The following PARP8 variants were observed in gnomAD, a reference collection of about 807,000 sequenced individuals.
The protein encoded by PARP8 is poly(ADP-ribose) polymerase family member 8, also known as protein mono-ADP-ribosyltransferase PARP8.
In PARP8, 51 loss-of-function variants were observed where a neutral mutation model predicts 124.1. The observed-to-expected ratio is 0.41, with a 90% CI of 0.33 to 0.52. PARP8 has a LOEUF of 0.52. Ranked by LOEUF, PARP8 falls within the 20% of genes least tolerant of loss-of-function variation. PARP8 has a pLI of 0.21. For synonymous variants in PARP8, 391 were observed against 361.5 expected (o/e 1.08, Z -0.93); for missense variants, 860 against 1,018.9 (o/e 0.84, Z 2.12).
At chr5:50,831,101 C>A (rs528525801) in intron 22 of PARP8, among the ~76,000 whole-genome samples, 231 of 151,992 alleles carry the variant, frequency 1.5e-3, no homozygotes, top group African/African-American at 5.5e-3. Context: ...AAATCAGCAA[C>A]ATTGATAAAT....
At chr5:50,694,318 T>TTTGTGA (rs1462573756) in intron 2 of PARP8, among the ~76,000 whole-genome samples, 8 of 152,230 alleles carry the variant, frequency 5.3e-5, no homozygotes, top group Non-Finnish European at 1.2e-4. Context: ...CCTTGTCAGT[T>TTTGTGA]CCATAGTCAC....
chr5:50,761,971 G>T, intron 6 of PARP8, 73 bp downstream of exon 6: 1 of 939,520 alleles, frequency 1.1e-6, no homozygotes, highest in Non-Finnish European at 1.7e-6. Flanking sequence ...GGTAATCTGT[G>T]CCTGAGAGTT....
chr5:50,819,953 A>G (rs779864965), intron 15 of PARP8, among the ~76,000 whole-genome samples: 9 of 152,268 alleles, frequency 5.9e-5, no homozygotes, highest in East Asian at 5.8e-4. Context: ...GCATATATCT[A>G]TATATATGTA....
rs1554047144 is a variant in PARP8, at chr5:50,709,955, T to TACACAC, written c.147-40191_147-40190insCACACA. On this transcript the variant is annotated intron_variant, in intron 2 of 25. Transcript: ENST00000281631. Reference sequence around the variant, plus strand: ...ATATATATATATATATATATATATATACACATACATATATACACACACACA... The same window carrying TACACAC: ...ATATATATATATATATATATATATATACACACACACATACATATATACACACACACA... Among the ~76,000 whole-genome samples, 91 of 103,316 alleles carry TACACAC rather than the reference T, an allele frequency of 8.8e-4. 1 individual carries two copies. Among genetic ancestry groups the TACACAC allele is most frequent in the Non-Finnish European group, 9.2e-4 (46 of 49,778 alleles). 67.8% of individuals were successfully genotyped at this position (103,316 alleles called of 152,430 possible). A position where few individuals can be genotyped will look rare whatever the true frequency, so the allele number is the denominator to read the frequency against.
At chr5:50,836,659 T>C (rs1747620717) in intron 25 of PARP8, among the ~76,000 whole-genome samples, 1 of 152,192 alleles carries the variant, frequency 6.6e-6, no homozygotes, top group South Asian at 2.1e-4. Context: ...TGGGGGCTCC[T>C]AGAGAAGCTA....
chr5:50,761,488 A>C (rs541860071), intron 5 of PARP8, among the ~76,000 whole-genome samples: 1 of 152,202 alleles, frequency 6.6e-6, no homozygotes, highest in East Asian at 1.9e-4. Context: ...TTTTTAATAA[A>C]ATTGAATTAG....
chr5:50,747,163 G>GTTTTTTTTTTTTTTTTTTTTTGTT (rs1211253892), intron 2 of PARP8, among the ~76,000 whole-genome samples: 1 of 95,504 alleles, frequency 1.0e-5, no homozygotes, highest in Non-Finnish European at 2.0e-5. Context: ...TGTTTGTTTT[G>GTTTTTTTTTTTTTTTTTTTTTGTT]TTTTTTTTTT....
chr5:50,771,374 G>A (rs1427152986), intron 7 of PARP8, among the ~76,000 whole-genome samples: 2 of 152,064 alleles, frequency 1.3e-5, no homozygotes, highest in Non-Finnish European at 2.9e-5. Context: ...GGTCAGGCTG[G>A]TCTCAAACTC....
chr5:50,667,335 C>CA (rs1387770558), intron 1 of PARP8, 149 bp downstream of exon 1: 89 of 837,200 alleles, frequency 1.1e-4, no homozygotes, highest in Middle Eastern at 3.3e-4. Flanking sequence ...GCGCGGGAGC[C>CA]AAAAGGGGGA....
intron 2 of PARP8, among the ~76,000 whole-genome samples, chr5:50,744,402 A>G (rs765778429): frequency 3.3e-5 from 5 of 152,206 alleles, no homozygotes; most frequent in African/African-American, 4.8e-5. Context: ...AACAGAATAC[A>G]GGATTAGGTA....
intron 3 of PARP8, among the ~76,000 whole-genome samples, chr5:50,758,812 A>G (rs1452372710): frequency 2.0e-5 from 3 of 152,214 alleles, no homozygotes; most frequent in Non-Finnish European, 2.9e-5. Flanking sequence ...GGAGACCTGT[A>G]TTCATTAGGG....
chr5:50,719,140 A>C (rs535484290), intron 2 of PARP8, among the ~76,000 whole-genome samples: 1 of 152,078 alleles, frequency 6.6e-6, no homozygotes, highest in Admixed American at 6.6e-5. Flanking sequence ...CAGACCTTTT[A>C]CCCATTTTTA....
At chr5:50,699,908 A>T (rs1205224806) in intron 2 of PARP8, among the ~76,000 whole-genome samples, 1 of 152,170 alleles carries the variant, frequency 6.6e-6, no homozygotes, top group Non-Finnish European at 1.5e-5. Flanking sequence ...CACATTGTTG[A>T]CAGGATAACA....
intron 2 of PARP8, among the ~76,000 whole-genome samples, chr5:50,702,661 C>T (rs1753719064): frequency 6.6e-6 from 1 of 152,170 alleles, no homozygotes; most frequent in Non-Finnish European, 1.5e-5. Flanking sequence ...TTTCCCTCCA[C>T]TTAGATTCAT....
In PARP8 at chr5:50,709,703, G is replaced by A. The variant is rs562129291; in HGVS notation, c.147-40448G>A. ...ACTCATCCAGAGATTAAATTTGCTC[G>A]TTCCACAAAAAAATGCCAGTGTTAT... On this transcript the variant is annotated intron_variant, in intron 2 of 25. Coordinates refer to ENST00000281631, the MANE Select transcript of PARP8 (RefSeq NM_024615.4). 9.9e-5 allele frequency among the ~76,000 whole-genome samples: 15 copies of A among 151,538 alleles called. No individual in the cohort carries two copies. The East Asian group carries it at 1.6e-3, about 16-fold the overall frequency.
intron 3 of PARP8, chr5:50,757,000 A>G (rs1200635527): frequency 3.1e-6 from 1 of 327,518 alleles, no homozygotes; most frequent in African/African-American, 2.2e-5. Context: ...AGATGGCAGG[A>G]TTTCATTCTT....
chr5:50,797,592 A>G (rs1742704361), intron 14 of PARP8, among the ~76,000 whole-genome samples: 1 of 152,200 alleles, frequency 6.6e-6, no homozygotes, highest in Non-Finnish European at 1.5e-5. Context: ...AAAACTCCAC[A>G]ATTTAAGATG....
intron 21 of PARP8, among the ~76,000 whole-genome samples, chr5:50,829,103 C>A (rs1331241061): frequency 6.6e-6 from 1 of 152,110 alleles, no homozygotes; most frequent in Non-Finnish European, 1.5e-5. Context: ...GTGAAGATTG[C>A]ATGCTAGAGA....
Position 50,666,759 on chromosome 5 carries a change from C to G in PARP8, c.-337C>G. ...TCTGGCTGTCCCCGGCACCTCGGCCCCCACGGCCGTTGGTCCGGGCGGGTG... is the reference window on the plus strand; with the variant it reads ...TCTGGCTGTCCCCGGCACCTCGGCCGCCACGGCCGTTGGTCCGGGCGGGTG... On this transcript the variant is annotated 5_prime_UTR_variant, in exon 1 of 26. Coordinates refer to ENST00000281631, the MANE Select transcript of PARP8 (RefSeq NM_024615.4). The G allele has an allele frequency of 9.7e-6, 7 of 724,902 alleles. No homozygotes were observed. Among genetic ancestry groups the G allele is most frequent in the Non-Finnish European group, 1.1e-5 (6 of 555,954 alleles). 44.9% of individuals were successfully genotyped at this position (724,902 alleles called of 1,614,324 possible).
Sources: gnomAD v4.1 joint callset for allele counts (sites outside exome capture counted in the v4.1 genomes callset) on GRCh38, gnomAD v4.1.1 for gene constraint, MANE v1.5 for transcripts, NCBI Gene and HGNC (gene_info 2026-07-23, HGNC 2026-07-21) for gene names.